Variants in UGT2B7 observed in about 807,000 individuals in gnomAD.
UGT2B7 encodes UDP glucuronosyltransferase family 2 member B7, also known as UDP-glucuronosyltransferase 2B7.
UGT2B7 carries 51 observed loss-of-function variants against 51.9 expected under a neutral mutation model. That is an observed-to-expected ratio of 0.98 (90% confidence interval 0.78 to 1.24). The LOEUF (loss-of-function observed/expected upper bound fraction) is 1.24, where lower values mean the gene tolerates loss of function less well. Ranked by LOEUF, UGT2B7 falls within the 50% of genes most tolerant of loss-of-function variation. UGT2B7 has a pLI of 0.00. For synonymous variants in UGT2B7, 225 were observed against 211.6 expected (o/e 1.06, Z -0.55); for missense variants, 727 against 628.4 (o/e 1.16, Z -1.68).
In UGT2B7 at chr4:69,098,575, G is replaced by A. The variant is rs1719319785; in HGVS notation, c.757G>A (p.Ala253Thr). Residue 253 changes from alanine to threonine, a missense_variant, in exon 2 of 6, where the codon GCT (alanine) becomes ACT (threonine). Ala to Thr is a moderately conservative substitution (Grantham distance 58, BLOSUM62 0). Coordinates refer to ENST00000305231, the MANE Select transcript of UGT2B7 (RefSeq NM_001074.4). ...PTTLSETMGK[A>T]DVWLIRNSWN... ...TACATTATCTGAGACAATGGGGAAA[G>A]CTGACGTATGGCTTATTCGAAACTC... The A allele has an allele frequency of 6.2e-7, 1 of 1,610,670 alleles. No homozygotes were observed. The highest frequency in any genetic ancestry group is 1.1e-5 in the South Asian group (1 of 90,664).
chr4:69,096,467 G>A (rs891130627), upstream of UGT2B7: 7 of 1,607,322 alleles, frequency 4.4e-6, no homozygotes, highest in Non-Finnish European at 5.9e-6. Flanking sequence ...ACATAACCAT[G>A]AGAAATGACA....
chr4:69,059,893 G>A (rs1294699070), intron 1 of UGT2B7, among the ~76,000 whole-genome samples: 1 of 152,218 alleles, frequency 6.6e-6, no homozygotes, highest in African/African-American at 2.4e-5. Flanking sequence ...ATTCCAGCAA[G>A]TGCCACTTGA....
intron 1 of UGT2B7, chr4:69,089,444 T>A (rs1221101709): frequency 6.6e-6 from 1 of 152,232 alleles, no homozygotes; most frequent in Admixed American, 6.5e-5. Flanking sequence ...ATTGCATCTT[T>A]ATGATGCAGA....
intron 1 of UGT2B7, among the ~76,000 whole-genome samples, chr4:69,055,176 TA>T (rs1312871529): frequency 4.1e-5 from 6 of 147,970 alleles, no homozygotes; most frequent in Admixed American, 2.7e-4. Flanking sequence ...GTGCTGCTAT[TA>T]ATAGTAAGCA....
chr4:69,070,297 A>G (rs1411104675), intron 1 of UGT2B7, among the ~76,000 whole-genome samples: 1 of 147,850 alleles, frequency 6.8e-6, no homozygotes, highest in East Asian at 1.9e-4. Flanking sequence ...ATACTTATAT[A>G]TTGTATTTTT....
intron 1 of UGT2B7, among the ~76,000 whole-genome samples, chr4:69,055,500 A>G (rs141885085): frequency 6.6e-6 from 1 of 152,184 alleles, no homozygotes; most frequent in Non-Finnish European, 1.5e-5. Context: ...TAGTGTAAGC[A>G]TCCTAATAAA....
chr4:69,077,497 C>A (rs1718737212), intron 1 of UGT2B7, among the ~76,000 whole-genome samples: 1 of 151,092 alleles, frequency 6.6e-6, no homozygotes, highest in South Asian at 2.1e-4. Flanking sequence ...AGAGGTCATT[C>A]ACATCCCTTG....
In UGT2B7 at chr4:69,097,035, T is replaced by A; in HGVS notation, c.515T>A (p.Leu172His). The A allele has an allele frequency of 6.2e-7, 1 of 1,613,748 alleles. No homozygotes were observed. The highest frequency in any genetic ancestry group is 1.3e-5 in the African/African-American group (1 of 74,916). ...ELFNIPFVYSLSFSPGYTFEK... is the reference protein window; with the variant it reads ...ELFNIPFVYSHSFSPGYTFEK... ...TTTAACATACCCTTTGTGTACAGTCTCAGCTTCTCTCCTGGCTACACTTTT... is the reference window on the plus strand; with the variant it reads ...TTTAACATACCCTTTGTGTACAGTCACAGCTTCTCTCCTGGCTACACTTTT... Residue 172 changes from leucine (L) to histidine (H), a missense_variant, in exon 1 of 6, where the codon CTC becomes CAC. By Grantham distance (99) the Leu-to-His change is moderately conservative (BLOSUM62 -3). Coordinates refer to ENST00000305231, the MANE Select transcript of UGT2B7 (RefSeq NM_001074.4).
chr4:69,085,329 A>G (rs1279823709), intron 1 of UGT2B7, among the ~76,000 whole-genome samples: 2 of 151,826 alleles, frequency 1.3e-5, no homozygotes, highest in Non-Finnish European at 2.9e-5. Context: ...TTGTCTTGTA[A>G]ATTTGTTTAA....
At chr4:69,073,955 C>A (rs557861933) in intron 1 of UGT2B7, among the ~76,000 whole-genome samples, 1 of 152,174 alleles carries the variant, frequency 6.6e-6, no homozygotes, top group South Asian at 2.1e-4. Flanking sequence ...TCAGAAATAT[C>A]TGATTATTTT....
intron 1 of UGT2B7, among the ~76,000 whole-genome samples, chr4:69,060,992 G>A (rs1014153968): frequency 4.6e-5 from 7 of 152,222 alleles, no homozygotes; most frequent in South Asian, 2.1e-4. Context: ...CTGACAGATC[G>A]GCCCCTCGGA....
At chr4:69,090,108 G>C (rs1216532913) in intron 2 of UGT2B7, among the ~76,000 whole-genome samples, 1 of 152,098 alleles carries the variant, frequency 6.6e-6, no homozygotes, top group African/African-American at 2.4e-5. Context: ...GACTTTTCAA[G>C]AATTAAAAGG....
At chr4:69,106,912 G>A (rs1719617660) in intron 3 of UGT2B7, among the ~76,000 whole-genome samples, 2 of 150,826 alleles carry the variant, frequency 1.3e-5, no homozygotes, top group Admixed American at 6.6e-5. Context: ...TTTAAAAGGT[G>A]TAACAATTTT....
intron 1 of UGT2B7, among the ~76,000 whole-genome samples, chr4:69,087,120 C>T (rs1305961312): frequency 2.6e-5 from 4 of 151,478 alleles, no homozygotes; most frequent in Non-Finnish European, 5.9e-5. Context: ...CACTCTGTCT[C>T]TCTCTCTCTG....
At chr4:69,077,174 G>T (rs887871571) in intron 1 of UGT2B7, among the ~76,000 whole-genome samples, 1 of 152,022 alleles carries the variant, frequency 6.6e-6, no homozygotes, top group Non-Finnish European at 1.5e-5. Context: ...TGCTGTTTTG[G>T]TTACTGTACC....
At chr4:69,073,616 T>C (rs1231006816) in intron 1 of UGT2B7, among the ~76,000 whole-genome samples, 1 of 152,170 alleles carries the variant, frequency 6.6e-6, no homozygotes, top group Non-Finnish European at 1.5e-5. Context: ...AATGAGGACA[T>C]GCAGGTTGCA....
At chr4:69,053,496 T>C (rs193094262) in intron 1 of UGT2B7, among the ~76,000 whole-genome samples, 34 of 152,362 alleles carry the variant, frequency 2.2e-4, no homozygotes, top group African/African-American at 7.7e-4. Flanking sequence ...GAGGCCCTAA[T>C]TGTCCCCTTT....
chr4:69,063,132 A>C (rs564898131), intron 1 of UGT2B7, among the ~76,000 whole-genome samples: 1 of 151,620 alleles, frequency 6.6e-6, no homozygotes, highest in East Asian at 2.0e-4. Flanking sequence ...ATCCCGGCTA[A>C]AACGGTGAAA....
intron 1 of UGT2B7, among the ~76,000 whole-genome samples, chr4:69,076,549 T>C (rs1020484397): frequency 1.3e-5 from 2 of 152,248 alleles, no homozygotes; most frequent in Admixed American, 1.3e-4. Flanking sequence ...ATGAGCTTTT[T>C]TTCATATGTT....
Sources: allele counts gnomAD v4.1 joint callset (sites outside exome capture counted in the v4.1 genomes callset), GRCh38; gene constraint gnomAD v4.1.1; transcripts MANE v1.5; gene names NCBI Gene and HGNC (gene_info 2026-07-23, HGNC 2026-07-21).